EYS: variants seen among roughly 807,000 people sequenced by gnomAD.
EYS encodes the protein EGF-like photoreceptor maintenance factor, also known as protein eyes shut homolog.
Under a neutral mutation model 282.1 loss-of-function variants are expected in EYS, and 250 were observed. That is an observed-to-expected ratio of 0.89 (90% CI 0.80 to 0.98). The LOEUF is 0.98. Ranked by LOEUF, EYS falls within the 50% of genes least tolerant of loss-of-function variation. EYS has a pLI of 0.00. For synonymous variants in EYS, 1,355 were observed against 1,282.9 expected (o/e 1.06, Z -1.20); for missense variants, 4,016 against 3,709.0 (o/e 1.08, Z -2.15).
At position 64,156,022 on chromosome 6, in the gene EYS, A is replaced by ATGTG. The variant is rs140713143; in HGVS notation, c.6425-74024_6425-74021dup. ...TGTGTGTGTGTATGTGTGTATGTTT[A>ATGTG]TGTGTGTGTGTGTGTGTGTTTGTGT... On this transcript the variant is annotated intron_variant, in intron 31 of 42. Transcript: ENST00000503581. 2.7e-4 allele frequency among the ~76,000 whole-genome samples: 40 copies of ATGTG among 146,950 alleles called. 1 individual carries two copies. In the South Asian group the frequency reaches 3.0e-3, roughly 11 times the overall value.
At chr6:63,854,497 A>G (rs75663149) in intron 36 of EYS, among the ~76,000 whole-genome samples, 1 of 152,098 alleles carries the variant, frequency 6.6e-6, no homozygotes, top group Non-Finnish European at 1.5e-5. Flanking sequence ...ACAAATACCT[A>G]ATGCAAGTGG....
intron 14 of EYS, among the ~76,000 whole-genome samples, chr6:64,959,075 G>C (rs1020042345): frequency 3.9e-5 from 6 of 152,116 alleles, no homozygotes; most frequent in African/African-American, 1.4e-4. Context: ...AACCAGTAGG[G>C]GTAAGATGGG....
At chr6:64,253,274 T>C (rs1016305510) in intron 30 of EYS, among the ~76,000 whole-genome samples, 5 of 152,156 alleles carry the variant, frequency 3.3e-5, no homozygotes, top group African/African-American at 1.2e-4. Flanking sequence ...ACTGTATTTC[T>C]TTACTCTTCT....
intron 22 of EYS, among the ~76,000 whole-genome samples, chr6:64,670,443 A>G (rs538986514): frequency 4.5e-5 from 6 of 132,930 alleles, no homozygotes; most frequent in Non-Finnish European, 6.4e-5. Context: ...ATAAATAAAT[A>G]AATGAAAAAA....
chr6:64,278,501 A>G (rs1768191669), intron 30 of EYS, among the ~76,000 whole-genome samples: 1 of 152,160 alleles, frequency 6.6e-6, no homozygotes, highest in African/African-American at 2.4e-5. Context: ...TTTAATAAGA[A>G]ACTTCTTTGG....
intron 5 of EYS, among the ~76,000 whole-genome samples, chr6:65,416,017 T>C (rs1767218975): frequency 6.6e-6 from 1 of 151,714 alleles, no homozygotes; most frequent in Admixed American, 6.6e-5. Flanking sequence ...GAACAAGAAA[T>C]TGAGAATGTG....
intron 31 of EYS, among the ~76,000 whole-genome samples, chr6:64,204,409 A>G (rs1178711123): frequency 6.6e-6 from 1 of 152,194 alleles, no homozygotes; most frequent in Non-Finnish European, 1.5e-5. Context: ...AGACTTTTCC[A>G]GAAATGTCAT....
intron 7 of EYS, among the ~76,000 whole-genome samples, chr6:65,390,121 T>C (rs1174516317): frequency 1.3e-5 from 2 of 151,802 alleles, no homozygotes; most frequent in Non-Finnish European, 2.9e-5. Context: ...ACAGGCATGA[T>C]AACTTATAGG....
intron 12 of EYS, among the ~76,000 whole-genome samples, chr6:65,148,696 C>T (rs1379683421): frequency 1.3e-5 from 2 of 152,052 alleles, no homozygotes; most frequent in Non-Finnish European, 2.9e-5. Flanking sequence ...CCCACATTTC[C>T]CTTCTGCACT....
chr6:65,047,469 T>C (rs1474917631), intron 13 of EYS, among the ~76,000 whole-genome samples: 2 of 152,000 alleles, frequency 1.3e-5, no homozygotes, highest in African/African-American at 4.8e-5. Context: ...TATTTTCTCT[T>C]ATGTTTTATT....
At chr6:65,427,779 A>T (rs1208218683) in intron 5 of EYS, among the ~76,000 whole-genome samples, 1 of 152,202 alleles carries the variant, frequency 6.6e-6, no homozygotes, top group East Asian at 1.9e-4. Flanking sequence ...TGAAATAATC[A>T]AAATAGTATA....
In EYS at chr6:65,296,040, C is replaced by G; in HGVS notation, c.1846G>C (p.Val616Leu). 6.4e-7 allele frequency: 1 copy of G among 1,551,000 alleles called. No individual in the cohort carries two copies. The highest frequency in any genetic ancestry group is 1.4e-5 in the African/African-American group (1 of 73,088). Reference protein sequence around the residue: ...DYCLGNHSISVHGLCLALSHN... With the variant: ...DYCLGNHSISLHGLCLALSHN... ...GAAAGGGCCAGGCAGAGGCCATGCA[C>G]TGATATACTGTGGTTCCCTAAGCAA... is the stretch of plus-strand genomic sequence containing the variant. The change falls in exon 12 of 43, where the codon GTG becomes CTG. Residue 616 changes from valine (V) to leucine (L), a missense_variant. By Grantham distance (32) the Val-to-Leu change is conservative. Transcript: ENST00000503581.
intron 5 of EYS, among the ~76,000 whole-genome samples, chr6:65,419,202 T>A (rs1222628860): frequency 6.6e-6 from 1 of 151,876 alleles, no homozygotes; most frequent in Non-Finnish European, 1.5e-5. Flanking sequence ...CACGAGGCTT[T>A]AAAAAACAAA....
At chr6:65,456,735 C>T (rs148173031) in intron 5 of EYS, among the ~76,000 whole-genome samples, 151 of 151,338 alleles carry the variant, frequency 1.0e-3, no homozygotes, top group African/African-American at 3.6e-3. Flanking sequence ...AAAAAAACCT[C>T]ACAACAAATT....
intron 13 of EYS, among the ~76,000 whole-genome samples, chr6:65,022,598 A>G (rs1305956410): frequency 6.6e-6 from 1 of 151,904 alleles, no homozygotes; most frequent in Non-Finnish European, 1.5e-5. Context: ...AGTTACTTGA[A>G]TCCATAAAAG....
chr6:64,368,794 C>T (rs1306583311), intron 29 of EYS, among the ~76,000 whole-genome samples: 2 of 152,100 alleles, frequency 1.3e-5, no homozygotes, highest in African/African-American at 4.8e-5. Flanking sequence ...CTTATAGATT[C>T]TGGATACTAG....
intron 2 of EYS, among the ~76,000 whole-genome samples, chr6:65,520,534 T>C (rs1286666102): frequency 6.6e-6 from 1 of 152,122 alleles, no homozygotes; most frequent in Non-Finnish European, 1.5e-5. Flanking sequence ...GTAAAAATGT[T>C]ACACAATATG....
intron 31 of EYS, among the ~76,000 whole-genome samples, chr6:64,194,908 G>A (rs1288753680): frequency 6.6e-6 from 1 of 152,062 alleles, no homozygotes; most frequent in Non-Finnish European, 1.5e-5. Flanking sequence ...TTGTACACTG[G>A]ATTACTATTC....
At chr6:65,673,497 AC>A (rs1429914855) in intron 1 of EYS, among the ~76,000 whole-genome samples, 3 of 152,058 alleles carry the variant, frequency 2.0e-5, no homozygotes, top group African/African-American at 4.8e-5. Context: ...AATTGGGAGG[AC>A]CCAGGACATA....
Sources: allele counts gnomAD v4.1 joint callset (sites outside exome capture counted in the v4.1 genomes callset), GRCh38; gene constraint gnomAD v4.1.1; transcripts MANE v1.5; gene names NCBI Gene and HGNC (gene_info 2026-07-23, HGNC 2026-07-21).